Variants in ASTN1 observed in about 807,000 individuals in gnomAD.
The protein encoded by ASTN1 is astrotactin 1.
Under a neutral mutation model 140.7 loss-of-function variants are expected in ASTN1, and 41 were observed. The observed-to-expected ratio is 0.29, with a 90% CI of 0.23 to 0.38. ASTN1 has a LOEUF of 0.38. Among genes scored for constraint, ASTN1 ranks in the 10% least tolerant of loss-of-function variants. The pLI, the probability that ASTN1 is intolerant of heterozygous loss-of-function variation, is 1.00. For synonymous variants in ASTN1, 640 were observed against 652.2 expected (o/e 0.98, Z 0.29); for missense variants, 1,479 against 1,678.8 (o/e 0.88, Z 2.08).
intron 16 of ASTN1, among the ~76,000 whole-genome samples, chr1:176,906,811 T>C (rs1296213974): frequency 7.0e-6 from 1 of 142,614 alleles, no homozygotes; most frequent in Non-Finnish European, 1.5e-5. Flanking sequence ...GCCACTACGC[T>C]CCAGCCTGGG....
chr1:176,941,938 T>C lies in ASTN1; in HGVS notation c.2377+1953A>G, dbSNP rs144374824. Reference sequence around the variant, plus strand: ...ATGCCAGAGATGCAGGCTTTAGGGATATGTCCGGAAGCTGCAAGTTAATTT... The same window carrying C: ...ATGCCAGAGATGCAGGCTTTAGGGACATGTCCGGAAGCTGCAAGTTAATTT... On this transcript the variant is annotated intron_variant, in intron 14 of 22. Coordinates refer to ENST00000361833, the MANE Select transcript of ASTN1 (RefSeq NM_004319.3). Among the ~76,000 whole-genome samples, 545 of 152,296 alleles carry C rather than the reference T, an allele frequency of 3.6e-3. 3 individuals carry two copies. The highest frequency in any genetic ancestry group is 0.012 in the African/African-American group (517 of 41,576).
intron 1 of ASTN1, among the ~76,000 whole-genome samples, chr1:177,098,171 G>A (rs1055222125): frequency 3.3e-5 from 5 of 152,122 alleles, no homozygotes; most frequent in African/African-American, 7.2e-5. Context: ...TGCCATTGGC[G>A]TCTGAAGGGG....
intron 4 of ASTN1, among the ~76,000 whole-genome samples, chr1:177,030,189 A>G (rs1676353939): frequency 6.6e-6 from 1 of 152,266 alleles, no homozygotes; most frequent in African/African-American, 2.4e-5. Context: ...AATGCACAAA[A>G]CTATGTAAAG....
intron 1 of ASTN1, among the ~76,000 whole-genome samples, chr1:177,099,898 C>A (rs767412967): frequency 6.6e-6 from 1 of 152,172 alleles, no homozygotes; most frequent in African/African-American, 2.4e-5. Flanking sequence ...TGATTATATG[C>A]ATTTTCATTG....
intron 16 of ASTN1, among the ~76,000 whole-genome samples, chr1:176,918,751 G>C (rs1190950052): frequency 1.3e-5 from 2 of 152,070 alleles, no homozygotes; most frequent in Non-Finnish European, 2.9e-5. Flanking sequence ...GTGCAGGAGG[G>C]ATTCAAAGAA....
At chr1:176,876,690 G>T in intron 20 of ASTN1, 53 bp from the exon 21 acceptor site, 1 of 1,561,862 alleles carries the variant, frequency 6.4e-7, no homozygotes, top group South Asian at 1.1e-5. Context: ...CTGGAGGCTA[G>T]ATCTCTGTGG....
At chr1:177,001,847 T>G (rs1674741580) in intron 8 of ASTN1, among the ~76,000 whole-genome samples, 1 of 152,192 alleles carries the variant, frequency 6.6e-6, no homozygotes, top group Admixed American at 6.5e-5. Flanking sequence ...TTTTTCCTAG[T>G]GTAGAATATG....
intron 13 of ASTN1, 36 bp downstream of exon 13, chr1:176,945,890 G>T (rs747541731): frequency 2.3e-5 from 35 of 1,552,628 alleles, no homozygotes; most frequent in Non-Finnish European, 2.9e-5. Context: ...TCCACCAACA[G>T]TCTTGAACAA....
chr1:177,124,477 G>A (rs1681551079), intron 1 of ASTN1, among the ~76,000 whole-genome samples: 2 of 152,180 alleles, frequency 1.3e-5, no homozygotes, highest in South Asian at 4.1e-4. Flanking sequence ...GAGAGATTTA[G>A]TAAGGGCGTG....
At chr1:177,049,287 A>G (rs1677413891) in intron 2 of ASTN1, among the ~76,000 whole-genome samples, 1 of 152,162 alleles carries the variant, frequency 6.6e-6, no homozygotes. Context: ...AAGGGGTGGG[A>G]CATGTTTATG....
At chr1:176,906,708 G>T (rs935111999) in intron 16 of ASTN1, among the ~76,000 whole-genome samples, 8 of 151,998 alleles carry the variant, frequency 5.3e-5, no homozygotes, top group Admixed American at 3.3e-4. Flanking sequence ...ATGAAAATTA[G>T]CCAGGCGTGG....
intron 1 of ASTN1, among the ~76,000 whole-genome samples, chr1:177,140,707 A>G (rs547175465): frequency 7.9e-5 from 12 of 152,204 alleles, no homozygotes; most frequent in Non-Finnish European, 1.5e-4. Context: ...TGGACACAGT[A>G]AAAACAAGGT....
At chr1:177,160,810 AT>A (rs1647313040) in intron 1 of ASTN1, among the ~76,000 whole-genome samples, 1 of 152,204 alleles carries the variant, frequency 6.6e-6, no homozygotes, top group Non-Finnish European at 1.5e-5. Context: ...AATGACAGTT[AT>A]TTTGCAACAC....
chr1:176,985,572 G>C (rs1455702778), intron 8 of ASTN1, among the ~76,000 whole-genome samples: 2 of 152,024 alleles, frequency 1.3e-5, no homozygotes, highest in African/African-American at 4.8e-5. Context: ...CCCCTTTGCT[G>C]TTTGCTGCTA....
At chr1:176,996,287 T>TCACA (rs35261045) in intron 8 of ASTN1, among the ~76,000 whole-genome samples, 1,614 of 138,018 alleles carry the variant, frequency 0.012, 15 homozygotes, top group Non-Finnish European at 0.017. Context: ...TCTCTCTCTC[T>TCACA]CTCACACACA....
chr1:176,868,825 GA>G lies in ASTN1; in HGVS notation c.3647+18del. 1 of 1,581,446 alleles carries G rather than the reference GA, an allele frequency of 6.3e-7. No individual in the cohort carries two copies. The highest frequency in any genetic ancestry group is 8.6e-7 in the Non-Finnish European group (1 of 1,161,050). On this transcript the variant is annotated intron_variant, in intron 22 of 22. Coordinates refer to ENST00000361833, the MANE Select transcript of ASTN1 (RefSeq NM_004319.3). ...ATTTCAAGAAGTCTTTAAAAGGGTT[GA>G]CTTAGTTTATTGATTACCTGGGACC...
chr1:176,870,508 T>C (rs1304726108), intron 21 of ASTN1, among the ~76,000 whole-genome samples: 1 of 152,244 alleles, frequency 6.6e-6, no homozygotes, highest in Non-Finnish European at 1.5e-5. Flanking sequence ...AGCCAGATTG[T>C]ATGCCCTTAC....
intron 1 of ASTN1, among the ~76,000 whole-genome samples, chr1:177,156,650 T>C (rs1305895936): frequency 2.0e-5 from 3 of 152,234 alleles, no homozygotes; most frequent in African/African-American, 4.8e-5. Flanking sequence ...TTTATGTAGA[T>C]ACTCAGCCTT....
intron 1 of ASTN1, among the ~76,000 whole-genome samples, chr1:177,084,814 T>A (rs750466553): frequency 3.3e-5 from 5 of 152,202 alleles, no homozygotes; most frequent in Non-Finnish European, 7.3e-5. Context: ...CTGCCTTCTT[T>A]TTTTTTTCAT....
Sources: allele counts gnomAD v4.1 joint callset (sites outside exome capture counted in the v4.1 genomes callset), GRCh38; gene constraint gnomAD v4.1.1; transcripts MANE v1.5; gene names NCBI Gene and HGNC (gene_info 2026-07-23, HGNC 2026-07-21).